Variants in ANK3 observed in about 807,000 individuals in gnomAD.
ANK3 encodes the protein ankyrin 3.
Under a neutral mutation model 370.9 loss-of-function variants are expected in ANK3, and 57 were observed. That is an observed-to-expected ratio of 0.15 (90% confidence interval 0.12 to 0.19). ANK3 has a LOEUF of 0.19. Ranked by LOEUF, ANK3 falls within the 10% of genes least tolerant of loss-of-function variation. ANK3 has a pLI of 1.00. For missense variants in ANK3, 4,439 were observed against 5,302.1 expected, an observed-to-expected ratio of 0.84 and a Z score of 5.06; for synonymous variants, 1,929 against 1,946.3, an observed-to-expected ratio of 0.99 and a Z score of 0.23.
chr10:60,476,290 G>A (rs2075062657), intron 2 of ANK3, among the ~76,000 whole-genome samples: 1 of 152,168 alleles, frequency 6.6e-6, no homozygotes, highest in South Asian at 2.1e-4. Context: ...GGAGCCTTTA[G>A]ACATATCAAA....
In ANK3 at chr10:60,187,979, G is replaced by A. The variant is rs1015341004; in HGVS notation, c.1888-1067C>T. ...AGCCTCAACCCCTACCCCCAACCCT[G>A]ACTGACTCTTATCAAAGTCCTGGGG... On this transcript the variant is annotated intron_variant, in intron 16 of 43. Coordinates refer to ENST00000280772, the MANE Select transcript of ANK3 (RefSeq NM_020987.5). 5.3e-5 allele frequency among the ~76,000 whole-genome samples: 8 copies of A among 151,970 alleles called. No homozygotes were observed. The East Asian group carries it at 1.5e-3, about 29-fold the overall frequency.
chr10:60,589,276 G>C (rs2077877307), intron 2 of ANK3, among the ~76,000 whole-genome samples: 1 of 152,126 alleles, frequency 6.6e-6, no homozygotes. Flanking sequence ...AGGTTACATG[G>C]AGGTTAATTA....
chr10:60,073,734 A>C lies in ANK3; in HGVS notation c.7147T>G (p.Phe2383Val), dbSNP rs376609372. Residue 2383 changes from phenylalanine (F) to valine (V), a missense_variant, in exon 37 of 44, where the codon TTT (phenylalanine) becomes GTT (valine). Phe to Val is a conservative substitution (Grantham distance 50). This residue lies in a region of ANK3 where 1,601 missense variants were observed against 1,731.7 expected (regional missense o/e 0.92). Transcript: ENST00000280772. ...TGACCCTGTTCCTCTGAACAAGGAA[A>C]AGCATCGTGTTTTTCTGGCAGAAAA... Reference protein sequence around the residue: ...KDFLPEKHDAFPCSEEQGQQE... With the variant: ...KDFLPEKHDAVPCSEEQGQQE... 6.2e-7 allele frequency: 1 copy of C among 1,613,956 alleles called. No homozygotes were observed. The highest frequency in any genetic ancestry group is 8.5e-7 in the Non-Finnish European group (1 of 1,180,000).
intron 2 of ANK3, among the ~76,000 whole-genome samples, chr10:60,595,763 T>C (rs990786884): frequency 1.6e-4 from 24 of 152,184 alleles, no homozygotes; most frequent in African/African-American, 5.1e-4. Context: ...CAAAGTTAGT[T>C]TGCCTGCAAC....
chr10:60,188,866 C>T (rs902196789), intron 16 of ANK3, among the ~76,000 whole-genome samples: 1 of 152,234 alleles, frequency 6.6e-6, no homozygotes, highest in South Asian at 2.1e-4. Flanking sequence ...GACTGATGCC[C>T]GCAGAGCCAA....
At chr10:60,343,855 A>G (rs1360045113) in intron 1 of ANK3, among the ~76,000 whole-genome samples, 1 of 152,212 alleles carries the variant, frequency 6.6e-6, no homozygotes, top group African/African-American at 2.4e-5. Flanking sequence ...TTCCTGGTTC[A>G]GTCTGGCTGA....
At chr10:60,607,052 G>C (rs2078138052) in intron 2 of ANK3, among the ~76,000 whole-genome samples, 1 of 152,072 alleles carries the variant, frequency 6.6e-6, no homozygotes, top group Non-Finnish European at 1.5e-5. Context: ...AACAGATAAA[G>C]GCCTATAAAG....
chr10:60,402,549 C>T (rs1205194172), intron 2 of ANK3, among the ~76,000 whole-genome samples: 1 of 152,232 alleles, frequency 6.6e-6, no homozygotes, highest in East Asian at 1.9e-4. Context: ...TATATTTTTC[C>T]TCCCTATAAG....
chr10:60,693,885 C>G (rs908618393), intron 1 of ANK3, among the ~76,000 whole-genome samples: 1 of 152,144 alleles, frequency 6.6e-6, no homozygotes, highest in Non-Finnish European at 1.5e-5. Context: ...AGCAATGGAA[C>G]AAAGCTGGAT....
intron 2 of ANK3, among the ~76,000 whole-genome samples, chr10:60,411,595 C>T (rs1192100158): frequency 6.6e-6 from 1 of 152,052 alleles, no homozygotes; most frequent in East Asian, 1.9e-4. Flanking sequence ...TACCTCTGTG[C>T]CCCTCTCACC....
rs61855294 is a variant in ANK3, at chr10:60,535,891, C to T, written c.96+79295G>A. ...AGCAATGATAATGAAACAATGGTTG[C>T]TCTAAATATCGGCAAAGCAACTGTT... On this transcript the variant is annotated intron_variant, in intron 2 of 43. Transcript: ENST00000373827. Among the ~76,000 whole-genome samples the T allele has an allele frequency of 5.6e-3, 846 of 151,354 alleles. 7 individuals are homozygous for T. The highest frequency in any genetic ancestry group is 0.017 in the Middle Eastern group (5 of 290).
chr10:60,616,029 C>T (rs1428070595), intron 1 of ANK3, among the ~76,000 whole-genome samples: 1 of 152,124 alleles, frequency 6.6e-6, no homozygotes, highest in African/African-American at 2.4e-5. Flanking sequence ...GAAGTTAACT[C>T]TAACTACACT....
chr10:60,083,923 CT>C (rs60709810), intron 32 of ANK3: 13,614 of 149,392 alleles, frequency 0.091, 636 homozygotes, highest in African/African-American at 0.21. Flanking sequence ...ATTTTGAAAG[CT>C]TTTTTTTTTT....
At chr10:60,694,466 T>G (rs1424581074) in intron 1 of ANK3, among the ~76,000 whole-genome samples, 1 of 151,734 alleles carries the variant, frequency 6.6e-6, no homozygotes, top group Non-Finnish European at 1.5e-5. Context: ...AAAGTTGAAA[T>G]GAAGGAAAAA....
At chr10:60,257,636 T>G (rs2132627638) in intron 7 of ANK3, among the ~76,000 whole-genome samples, 1 of 152,320 alleles carries the variant, frequency 6.6e-6, no homozygotes, top group South Asian at 2.1e-4. Context: ...ATGCTTCCCT[T>G]TCCACTATAT....
intron 8 of ANK3, among the ~76,000 whole-genome samples, chr10:60,217,933 G>A (rs957777965): frequency 3.9e-5 from 6 of 152,060 alleles, no homozygotes; most frequent in Non-Finnish European, 5.9e-5. Context: ...GAATCTGAGC[G>A]ATCTTTTATT....
intron 1 of ANK3, among the ~76,000 whole-genome samples, chr10:60,659,845 A>G (rs1229263728): frequency 2.0e-5 from 3 of 152,138 alleles, no homozygotes; most frequent in Admixed American, 6.6e-5. Context: ...ATATAAAGGA[A>G]TCTGATAATG....
At chr10:60,657,996 G>A (rs982463492) in intron 1 of ANK3, among the ~76,000 whole-genome samples, 2 of 144,816 alleles carry the variant, frequency 1.4e-5, no homozygotes, top group Admixed American at 7.1e-5. Flanking sequence ...TCCTTATCTT[G>A]AAGTCTATAG....
intron 2 of ANK3, among the ~76,000 whole-genome samples, chr10:60,595,042 A>G (rs2077967900): frequency 6.6e-6 from 1 of 152,192 alleles, no homozygotes; most frequent in Non-Finnish European, 1.5e-5. Flanking sequence ...AGAAAAATAA[A>G]TAAAATGTTC....
Sources: gnomAD v4.1 joint callset for allele counts (sites outside exome capture counted in the v4.1 genomes callset) on GRCh38, gnomAD v4.1.1 for gene constraint, gnomAD v4.1.1 regional missense constraint, MANE v1.5 for transcripts, NCBI Gene and HGNC (gene_info 2026-07-23, HGNC 2026-07-21) for gene names.